TSPAN5: variants seen among roughly 807,000 people sequenced by gnomAD.
TSPAN5 encodes the protein tetraspanin-5.
In TSPAN5, 10 loss-of-function variants were observed where a neutral mutation model predicts 37.1. The observed-to-expected ratio is 0.27, with a 90% CI of 0.17 to 0.46. The LOEUF (loss-of-function observed/expected upper bound fraction) is 0.46. TSPAN5 is among the 20% of genes least tolerant of loss of function. The pLI, the probability that TSPAN5 is intolerant of heterozygous loss-of-function variation, is 1.00. For synonymous variants in TSPAN5, 110 were observed against 118.9 expected (o/e 0.93, Z 0.48); for missense variants, 195 against 326.6 (o/e 0.60, Z 3.11).
At chr4:98,618,973 G>A (rs1756413492) in intron 1 of TSPAN5, among the ~76,000 whole-genome samples, 1 of 152,026 alleles carries the variant, frequency 6.6e-6, no homozygotes, top group Non-Finnish European at 1.5e-5. Flanking sequence ...TTTTTAAACT[G>A]GGGAGCCAAG....
chr4:98,533,956 A>AAAAAAAAAAAAC lies in TSPAN5; in HGVS notation c.82-26229_82-26228insGTTTTTTTTTTT, dbSNP rs1560526836. ...GTTGATCTTAAAAAAAAAAAAAAAA[A>AAAAAAAAAAAAC]AAAAAACCAGCTCCTGGATTCATTG... On this transcript the variant is annotated intron_variant, in intron 1 of 7. Coordinates refer to ENST00000305798, the MANE Select transcript of TSPAN5 (RefSeq NM_005723.4). 3.4e-5 allele frequency among the ~76,000 whole-genome samples: 5 copies of AAAAAAAAAAAAC among 145,922 alleles called. 1 individual carries two copies. The highest frequency in any genetic ancestry group is 7.6e-5 in the Non-Finnish European group (5 of 66,152).
intron 1 of TSPAN5, among the ~76,000 whole-genome samples, chr4:98,654,796 TA>T (rs1339429396): frequency 6.6e-6 from 1 of 152,232 alleles, no homozygotes; most frequent in African/African-American, 2.4e-5. Context: ...ACGGACACTA[TA>T]CCAGGAACTG....
At chr4:98,609,311 C>T (rs4699659) in intron 1 of TSPAN5, among the ~76,000 whole-genome samples, 11 of 152,040 alleles carry the variant, frequency 7.2e-5, no homozygotes, top group Admixed American at 2.0e-4. Context: ...AAAGCTCCTG[C>T]GTTACTCTAT....
chr4:98,528,414 ATTTTT>A (rs10680446), intron 1 of TSPAN5, among the ~76,000 whole-genome samples: 2 of 143,754 alleles, frequency 1.4e-5, no homozygotes, highest in African/African-American at 2.5e-5. Flanking sequence ...GTAACAGATG[ATTTTT>A]TTTTTTTTTT....
chr4:98,558,017 G>T (rs554181381), intron 1 of TSPAN5, among the ~76,000 whole-genome samples: 4 of 152,158 alleles, frequency 2.6e-5, no homozygotes, highest in Non-Finnish European at 5.9e-5. Context: ...AACAGAAAAG[G>T]ACATTAGGTA....
chr4:98,598,045 G>A (rs1270164362), intron 1 of TSPAN5, among the ~76,000 whole-genome samples: 1 of 84,840 alleles, frequency 1.2e-5, no homozygotes, highest in Non-Finnish European at 2.1e-5. Context: ...CCTCGTTGCC[G>A]CCTTGCAGTT....
chr4:98,564,243 T>C (rs1754946810), intron 1 of TSPAN5, among the ~76,000 whole-genome samples: 1 of 152,232 alleles, frequency 6.6e-6, no homozygotes, highest in Admixed American at 6.5e-5. Flanking sequence ...TGCTTTTCTA[T>C]ACACCAAATC....
At chr4:98,484,812 A>G (rs1220630894) in intron 3 of TSPAN5, 10 of 304,566 alleles carry the variant, frequency 3.3e-5, no homozygotes, top group Non-Finnish European at 5.1e-5. Context: ...AAAAAAAAAA[A>G]TACAATTCAG....
At chr4:98,582,548 T>G (rs539251981) in intron 1 of TSPAN5, among the ~76,000 whole-genome samples, 3 of 152,374 alleles carry the variant, frequency 2.0e-5, no homozygotes, top group Non-Finnish European at 2.9e-5. Context: ...GCCACAGATG[T>G]GAGCACAAAT....
chr4:98,514,828 G>A, intron 1 of TSPAN5, among the ~76,000 whole-genome samples: 1 of 152,194 alleles, frequency 6.6e-6, no homozygotes, highest in East Asian at 1.9e-4. Flanking sequence ...AAAGTGACTG[G>A]TCTTGTGGGG....
rs1010996081 is a variant in TSPAN5, at chr4:98,498,808, G to C, written c.132+8870C>G. On this transcript the variant is annotated intron_variant, in intron 2 of 7. Coordinates refer to ENST00000305798, the MANE Select transcript of TSPAN5 (RefSeq NM_005723.4). ...AGGAAGGGGCTGTGGGCTGCCTCCT[G>C]CCCTTGCAACCTAGAGAGAGAAGGG... 2.0e-5 allele frequency among the ~76,000 whole-genome samples: 3 copies of C among 152,302 alleles called. No individual in the cohort carries two copies. The East Asian group carries it at 5.8e-4, about 29-fold the overall frequency.
At chr4:98,521,025 C>T (rs557756827) in intron 1 of TSPAN5, among the ~76,000 whole-genome samples, 10 of 152,138 alleles carry the variant, frequency 6.6e-5, no homozygotes, top group South Asian at 4.1e-4. Context: ...TCCACCTCCC[C>T]GGTTCAAGCG....
At chr4:98,582,993 G>T (rs1373316622) in intron 1 of TSPAN5, among the ~76,000 whole-genome samples, 5 of 152,106 alleles carry the variant, frequency 3.3e-5, no homozygotes, top group African/African-American at 9.7e-5. Context: ...CTGGAGGGAG[G>T]GAAGGCAGAT....
intron 1 of TSPAN5, among the ~76,000 whole-genome samples, chr4:98,571,710 C>T (rs1176687105): frequency 6.6e-6 from 1 of 152,146 alleles, no homozygotes. Context: ...GGCTGCTCCT[C>T]TCAGCTGTGT....
chr4:98,499,949 C>T (rs969419315), intron 2 of TSPAN5, among the ~76,000 whole-genome samples: 5 of 151,846 alleles, frequency 3.3e-5, no homozygotes, highest in Admixed American at 1.3e-4. Flanking sequence ...TGTGAGCCAC[C>T]GCGCCCGGCC....
chr4:98,522,140 C>T (rs1345499169), intron 1 of TSPAN5, among the ~76,000 whole-genome samples: 1 of 152,214 alleles, frequency 6.6e-6, no homozygotes, highest in Admixed American at 6.5e-5. Context: ...AATGGTGTTT[C>T]CTACACTTAC....
chr4:98,634,086 A>T (rs190266418), intron 1 of TSPAN5, among the ~76,000 whole-genome samples: 1 of 151,020 alleles, frequency 6.6e-6, no homozygotes, highest in Non-Finnish European at 1.5e-5. Flanking sequence ...TCTCAAAAAA[A>T]AAAGGAAAGA....
At chr4:98,624,149 T>C (rs1424437423) in intron 1 of TSPAN5, among the ~76,000 whole-genome samples, 1 of 152,152 alleles carries the variant, frequency 6.6e-6, no homozygotes, top group African/African-American at 2.4e-5. Context: ...TATATGTTAT[T>C]CCAAAGCCTT....
intron 1 of TSPAN5, among the ~76,000 whole-genome samples, chr4:98,533,028 A>T (rs1411656634): frequency 6.6e-6 from 1 of 152,222 alleles, no homozygotes; most frequent in Non-Finnish European, 1.5e-5. Flanking sequence ...CTTGCATCCC[A>T]GGGATGAAGC....
Sources: allele counts gnomAD v4.1 joint callset (sites outside exome capture counted in the v4.1 genomes callset), GRCh38; gene constraint gnomAD v4.1.1; transcripts MANE v1.5; gene names NCBI Gene and HGNC (gene_info 2026-07-23, HGNC 2026-07-21).